The following ACOT7 variants were observed in gnomAD, a reference collection of about 807,000 sequenced individuals.
ACOT7 encodes cytosolic acyl coenzyme A thioester hydrolase.
A neutral mutation model predicts 40.2 loss-of-function variants in ACOT7; 12 were observed. That is an observed-to-expected ratio of 0.30 (90% CI 0.19 to 0.48). ACOT7 has a LOEUF of 0.48. ACOT7 is among the 20% of genes least tolerant of loss of function. The probability of loss-of-function intolerance (pLI) is 0.99; values close to 1 mark genes in which losing one functional copy is unlikely to be tolerated. For synonymous variants in ACOT7, 228 were observed against 219.5 expected (o/e 1.04, Z -0.34); for missense variants, 395 against 530.8 (o/e 0.74, Z 2.51).
At chr1:6,308,738 C>A (rs1241549550) in intron 6 of ACOT7, among the ~76,000 whole-genome samples, 2 of 152,000 alleles carry the variant, frequency 1.3e-5, no homozygotes, top group Non-Finnish European at 2.9e-5. Flanking sequence ...CAGAGAGAAC[C>A]ATGACCAGGT....
intron 2 of ACOT7, among the ~76,000 whole-genome samples, chr1:6,341,186 G>C (rs1321472874): frequency 6.6e-6 from 1 of 151,340 alleles, no homozygotes; most frequent in Admixed American, 6.6e-5. Flanking sequence ...CTGTTGCCCA[G>C]ACTGGAATGC....
intron 1 of ACOT7, among the ~76,000 whole-genome samples, chr1:6,365,400 G>A (rs941497288): frequency 6.6e-5 from 10 of 152,114 alleles, no homozygotes; most frequent in African/African-American, 2.2e-4. Flanking sequence ...CCCAGTGCAC[G>A]TAAAAGTTAC....
chr1:6,307,397 C>A (rs1353964099), intron 6 of ACOT7, among the ~76,000 whole-genome samples: 2 of 152,312 alleles, frequency 1.3e-5, no homozygotes, highest in South Asian at 4.1e-4. Context: ...CCAGGCCCTG[C>A]GCTAAGTGGG....
In ACOT7 at chr1:6,358,621, G is replaced by A. The variant is rs1004164320; in HGVS notation, c.144-8755C>T. ...ACGCAGGCCTGCACTTCCTATCCCA[G>A]CTTCGGCTGACCACCTAATCTTGGG... On this transcript the variant is annotated intron_variant, in intron 1 of 8. Transcript: ENST00000361521. This position sits in a 1 kb window ranked among gnomAD's most constrained non-coding sequence, Gnocchi z 4.1. Among the ~76,000 whole-genome samples the A allele has an allele frequency of 6.6e-6, 1 of 152,222 alleles. No individual in the cohort carries two copies. Among genetic ancestry groups the A allele is most frequent in the Non-Finnish European group, 1.5e-5 (1 of 68,028 alleles).
intron 6 of ACOT7, among the ~76,000 whole-genome samples, chr1:6,297,489 T>C (rs1158311052): frequency 6.6e-6 from 1 of 152,154 alleles, no homozygotes; most frequent in Non-Finnish European, 1.5e-5. Flanking sequence ...GCAGAATTAG[T>C]GGGGGCCCCG....
chr1:6,355,321 G>A lies in ACOT7; in HGVS notation c.144-5455C>T, dbSNP rs1031603630. 3.3e-5 allele frequency among the ~76,000 whole-genome samples: 5 copies of A among 152,164 alleles called. No individual in the cohort carries two copies. Among genetic ancestry groups the A allele is most frequent in the Non-Finnish European group, 7.3e-5 (5 of 68,030 alleles). ...TTACCCCACAGCTGTTTCCACACAC[G>A]GTTAAACGAAGCACTGCAAGGGTAC... On this transcript the variant is annotated intron_variant, in intron 1 of 8. Transcript: ENST00000361521. The surrounding 1 kb of genome is among the most constrained non-coding windows in gnomAD (Gnocchi z 5.0).
At position 6,311,249 on chromosome 1, in the gene ACOT7, C is replaced by T. The variant is rs551073935; in HGVS notation, c.712+7243G>A. 4.4e-4 allele frequency among the ~76,000 whole-genome samples: 67 copies of T among 152,296 alleles called. No homozygotes were observed. The highest frequency in any genetic ancestry group is 4.3e-3 in the Admixed American group (66 of 15,294). On this transcript the variant is annotated intron_variant, in intron 6 of 8. Transcript: ENST00000361521. The surrounding 1 kb of genome is among the most constrained non-coding windows in gnomAD (Gnocchi z 5.2). ...ACTCAGAGCCGATGTGATCAGTAAACGTTGAGGTTCTTTTCTAAGCCAGAG... is the reference window on the plus strand; with the variant it reads ...ACTCAGAGCCGATGTGATCAGTAAATGTTGAGGTTCTTTTCTAAGCCAGAG...
rs1641627167 is a variant in ACOT7, at chr1:6,352,665, C to T, written c.144-2799G>A. Among the ~76,000 whole-genome samples the T allele has an allele frequency of 6.6e-6, 1 of 151,532 alleles. No homozygotes were observed. The highest frequency in any genetic ancestry group is 2.4e-5 in the African/African-American group (1 of 41,150). On this transcript the variant is annotated intron_variant, in intron 1 of 8. Transcript: ENST00000361521. The surrounding 1 kb of genome is among the most constrained non-coding windows in gnomAD (Gnocchi z 4.5). ...GGAGTGCAGTGGCACGATCTTGGCT[C>T]ACCGCAAGCTCCGCCTCCTGGGTTC...
intron 8 of ACOT7, among the ~76,000 whole-genome samples, chr1:6,270,156 T>A (rs1638986911): frequency 6.6e-6 from 1 of 152,212 alleles, no homozygotes; most frequent in South Asian, 2.1e-4. Flanking sequence ...CCTGTCCCGC[T>A]GGGTGAGAAG....
rs957333797 is a variant in ACOT7 at position 6,393,327 on chromosome 1, C to T, written c.73G>A (p.Ala25Thr). Residue 25 changes from alanine to threonine, a missense_variant, in exon 1 of 9, where the codon GCA becomes ACA. By Grantham distance (58) the Ala-to-Thr change is moderately conservative. Around this residue, in one of 2 missense-constraint regions of ACOT7, gnomAD observed 86 missense variants for 60.5 expected, o/e 1.42. Coordinates refer to ENST00000361521, the MANE Select transcript of ACOT7 (RefSeq NM_007274.4). ...ATGCTGGGGGCTGCGGCGGCGGATG[C>T]GGCGGGCGGCTGCAGAAGGGCGCAG... is the stretch of plus-strand genomic sequence containing the variant. Reference protein sequence around the residue: ...DTCALLQPPAASAAAAPSMSG... With the variant: ...DTCALLQPPATSAAAAPSMSG... The T allele has an allele frequency of 1.1e-5, 14 of 1,263,714 alleles. No homozygotes were observed. The African/African-American group carries it at 1.7e-4, about 15-fold the overall frequency. The allele number at this position is 1,263,714 out of a possible 1,614,324, so 78.3% of individuals were successfully genotyped here. A position where few individuals can be genotyped will look rare whatever the true frequency, so the allele number is the denominator to read the frequency against.
At chr1:6,336,514 C>T (rs1159564331) in intron 3 of ACOT7, among the ~76,000 whole-genome samples, 1 of 152,144 alleles carries the variant, frequency 6.6e-6, no homozygotes, top group African/African-American at 2.4e-5. Context: ...GCTCGCTCAG[C>T]GGCCTCGTGA....
At chr1:6,322,596 G>A (rs1202589408) in intron 5 of ACOT7, among the ~76,000 whole-genome samples, 1 of 152,268 alleles carries the variant, frequency 6.6e-6, no homozygotes, top group Non-Finnish European at 1.5e-5. Flanking sequence ...TGCTGGGCTT[G>A]TAGATGCCGC....
chr1:6,332,495 T>C (rs1571315794), intron 4 of ACOT7, among the ~76,000 whole-genome samples: 1 of 152,322 alleles, frequency 6.6e-6, no homozygotes, highest in African/African-American at 2.4e-5. Flanking sequence ...GCAGGACCCC[T>C]CTGACAACAT....
At chr1:6,360,762 C>T (rs1641872138) in intron 1 of ACOT7, 1 of 1,556,760 alleles carries the variant, frequency 6.4e-7, no homozygotes, top group South Asian at 1.2e-5. Flanking sequence ...CTCATCCCTC[C>T]AGGCGGGCAT....
intron 1 of ACOT7, among the ~76,000 whole-genome samples, chr1:6,356,428 A>AGCTCAGCACCCTCAGCCCC (rs1354629248): frequency 1.8e-4 from 27 of 151,624 alleles, no homozygotes; most frequent in African/African-American, 5.6e-4. Context: ...CCCTCAGCCC[A>AGCTCAGCACCCTCAGCCCC]GCTCAGCACC....
intron 8 of ACOT7, among the ~76,000 whole-genome samples, chr1:6,265,581 C>T (rs947855684): frequency 2.5e-4 from 37 of 149,746 alleles, no homozygotes; most frequent in African/African-American, 8.4e-4. Flanking sequence ...TGCCTGTCGA[C>T]GGGCTGCGAT....
intron 2 of ACOT7, among the ~76,000 whole-genome samples, chr1:6,343,407 A>G (rs917871527): frequency 3.3e-5 from 5 of 152,250 alleles, no homozygotes; most frequent in African/African-American, 1.2e-4. Flanking sequence ...ACTCTCCTGC[A>G]CACAGGCGCA....
At chr1:6,376,120 T>C (rs1256810686) in intron 1 of ACOT7, among the ~76,000 whole-genome samples, 2 of 151,974 alleles carry the variant, frequency 1.3e-5, no homozygotes, top group African/African-American at 4.8e-5. Flanking sequence ...CCATGCGTGG[T>C]GGCAGGCGCC....
At chr1:6,332,164 T>A (rs1037942171) in intron 4 of ACOT7, among the ~76,000 whole-genome samples, 2 of 152,224 alleles carry the variant, frequency 1.3e-5, no homozygotes, top group African/African-American at 2.4e-5. Context: ...AGTTTTATTA[T>A]TTCTAAAAAT....
Sources: gnomAD v4.1 joint callset for allele counts (sites outside exome capture counted in the v4.1 genomes callset) on GRCh38, gnomAD v4.1.1 for gene constraint, gnomAD v4.1.1 regional missense constraint, Gnocchi (gnomAD v3.1) non-coding constraint, MANE v1.5 for transcripts, NCBI Gene and HGNC (gene_info 2026-07-23, HGNC 2026-07-21) for gene names.